Variants in RNF213 observed in about 807,000 individuals in gnomAD.
RNF213 encodes the protein E3 ubiquitin-protein ligase RNF213.
Under a neutral mutation model 514.4 loss-of-function variants are expected in RNF213, and 341 were observed. The observed-to-expected ratio is 0.66, with a 90% CI of 0.61 to 0.73. RNF213 has a LOEUF of 0.73. Among genes scored for constraint, RNF213 ranks in the 30% least tolerant of loss-of-function variants. The probability of loss-of-function intolerance (pLI) is 0.00; values close to 1 mark genes in which losing one functional copy is unlikely to be tolerated. For synonymous variants in RNF213, 2,655 were observed against 2,658.2 expected (o/e 1.00, Z 0.04); for missense variants, 5,767 against 6,615.6 (o/e 0.87, Z 4.45).
In RNF213 at chr17:80,367,984, T is replaced by A; in HGVS notation, c.11996T>A (p.Ile3999Asn). ...AGGTTTGGGATTCAGCCGTGCTCCA[T>A]CTGCCTGGGAGATGCAAAGGACCCC... is the stretch of plus-strand genomic sequence containing the variant. ...LSRFGIQPCS[I>N]CLGDAKDPVC... Residue 3999 changes from isoleucine (I) to asparagine (N), a missense_variant, in exon 44 of 68, where the codon ATC becomes AAC. Physicochemically the swap from Ile to Asn is moderately radical, Grantham distance 149 (BLOSUM62 -3). Coordinates refer to ENST00000582970, the MANE Select transcript of RNF213 (RefSeq NM_001256071.3). 6.2e-7 allele frequency: 1 copy of A among 1,614,270 alleles called. No individual in the cohort carries two copies. Among genetic ancestry groups the A allele is most frequent in the South Asian group, 1.1e-5 (1 of 91,090 alleles).
Position 80,290,680 on chromosome 17 carries a change from T to C in RNF213, c.1223T>C (p.Phe408Ser). The C allele has an allele frequency of 6.2e-7, 1 of 1,614,124 alleles. No homozygotes were observed. The highest frequency in any genetic ancestry group is 8.5e-7 in the Non-Finnish European group (1 of 1,180,016). ...GTCTTCATCAGAGGAGGAGAAGAAT[T>C]TGGGGAGTCAAAATGGGACAGCAAT... The part of the protein sequence containing the change: ...HKVFIRGGEE[F>S]GESKWDSNIC... Residue 408 changes from phenylalanine (F) to serine (S), a missense_variant, in exon 7 of 68, where the codon TTT (phenylalanine) becomes TCT (serine). Physicochemically the swap from Phe to Ser is radical, Grantham distance 155. Around this residue, in one of 13 missense-constraint regions of RNF213, gnomAD observed 592 missense variants for 673.9 expected, o/e 0.88. Transcript: ENST00000582970.
chr17:80,347,729 G>T lies in RNF213; in HGVS notation c.9394G>T (p.Gly3132Cys), dbSNP rs140255873. The T allele has an allele frequency of 6.2e-7, 1 of 1,613,976 alleles. No individual in the cohort carries two copies. Among genetic ancestry groups the T allele is most frequent in the African/African-American group, 1.3e-5 (1 of 74,928 alleles). Reference protein sequence around the residue: ...HLGGQKYVDLGLGTHRVKCRV... With the variant: ...HLGGQKYVDLCLGTHRVKCRV... Reference sequence around the variant, plus strand: ...CGGCGGCCAGAAGTACGTGGACCTCGGTCTGGGGACCCACCGCGTCAAATG... The same window carrying T: ...CGGCGGCCAGAAGTACGTGGACCTCTGTCTGGGGACCCACCGCGTCAAATG... The change falls in exon 29 of 68, where the codon GGT becomes TGT. Residue 3132 changes from glycine to cysteine, a missense_variant. Gly to Cys is a radical substitution (Grantham distance 159, BLOSUM62 -3). Transcript: ENST00000582970. This position sits in a 1 kb window ranked among gnomAD's most constrained non-coding sequence, Gnocchi z 7.2.
intron 10 of RNF213, among the ~76,000 whole-genome samples, chr17:80,297,855 G>A (rs1354565972): frequency 3.9e-5 from 6 of 152,090 alleles, no homozygotes; most frequent in African/African-American, 1.4e-4. Flanking sequence ...CACTGGAGAG[G>A]CTGAGGCAGG....
At position 80,263,489 on chromosome 17, in the gene RNF213, G is replaced by A; in HGVS notation, c.-108-85G>A. ...AGAGCCAAGGGGGCAGCACAGAGCG[G>A]GGAGGGGCTGGGCTTGGGCTGTGCT... On this transcript the variant is annotated intron_variant, in intron 1 of 67. Transcript: ENST00000582970. This position sits in a 1 kb window ranked among gnomAD's most constrained non-coding sequence, Gnocchi z 4.9. 3 of 628,988 alleles carry A rather than the reference G, an allele frequency of 4.8e-6. No individual in the cohort carries two copies. In the South Asian group the frequency reaches 5.3e-5, roughly 11 times the overall value. The allele number at this position is 628,988 out of a possible 1,614,324, so 39.0% of individuals were successfully genotyped here. A position where few individuals can be genotyped will look rare whatever the true frequency, so the allele number is the denominator to read the frequency against.
intron 3 of RNF213, among the ~76,000 whole-genome samples, chr17:80,281,516 A>ACTCACCCCCAAC (rs1473014466): frequency 7.8e-5 from 6 of 76,496 alleles, no homozygotes; most frequent in Admixed American, 1.7e-4. Context: ...CACACACCCC[A>ACTCACCCCCAAC]ACACACACAT....
chr17:80,335,882 C>A (rs1000018134), intron 22 of RNF213, among the ~76,000 whole-genome samples: 1 of 150,166 alleles, frequency 6.7e-6, no homozygotes, highest in Non-Finnish European at 1.5e-5. Context: ...GAGGCTGAGG[C>A]AAGAGAATCA....
At position 80,376,410 on chromosome 17, in the gene RNF213, C is replaced by T. The variant is rs768697961; in HGVS notation, c.13295C>T (p.Ala4432Val). ...LVDNSVPLLRAGPSDSNLDGT... is the reference protein window; with the variant it reads ...LVDNSVPLLRVGPSDSNLDGT... The stretch of plus-strand genomic sequence containing the variant: ...GACAATTCTGTGCCATTGTTGAGGG[C>T]GGGGCCTAGTGACAGCAACCTTGAT... Residue 4432 changes from alanine (A) to valine (V), a missense_variant, in exon 52 of 68, where the codon GCG (alanine) becomes GTG (valine). Physicochemically the swap from Ala to Val is moderately conservative, Grantham distance 64 (BLOSUM62 0). This residue lies in a region of RNF213 where 1,245 missense variants were observed against 1,339.0 expected (regional missense o/e 0.93). Transcript: ENST00000582970. The T allele has an allele frequency of 2.2e-5, 35 of 1,614,050 alleles. No individual in the cohort carries two copies. The highest frequency in any genetic ancestry group is 1.5e-4 in the South Asian group (14 of 91,080).
intron 20 of RNF213, among the ~76,000 whole-genome samples, chr17:80,331,505 C>T (rs1024722059): frequency 5.9e-5 from 9 of 151,730 alleles, no homozygotes; most frequent in Admixed American, 6.6e-5. Flanking sequence ...TCTCCTGCCT[C>T]AGCCTCCTGA....
Position 80,264,814 on chromosome 17 carries a change from G to C in RNF213, c.97+1036G>C, listed in dbSNP as rs1345982380. Among the ~76,000 whole-genome samples, 3 of 152,018 alleles carry C rather than the reference G, an allele frequency of 2.0e-5. No homozygotes were observed. The highest frequency in any genetic ancestry group is 4.4e-5 in the Non-Finnish European group (3 of 68,024). Reference sequence around the variant, plus strand: ...GCCACGAGGTCCTACATAGACGGCTGCCCACCCCATTCCTCTTGGCTCCCT... The same window carrying C: ...GCCACGAGGTCCTACATAGACGGCTCCCCACCCCATTCCTCTTGGCTCCCT... On this transcript the variant is annotated intron_variant, in intron 2 of 67. Transcript: ENST00000582970. The surrounding 1 kb of genome is among the most constrained non-coding windows in gnomAD (Gnocchi z 5.0).
chr17:80,359,170 C>G (rs2144336981), intron 37 of RNF213, among the ~76,000 whole-genome samples: 1 of 152,160 alleles, frequency 6.6e-6, no homozygotes, highest in South Asian at 2.1e-4. Flanking sequence ...GGCTCAGCTC[C>G]CAATAGCTTC....
intron 10 of RNF213, among the ~76,000 whole-genome samples, chr17:80,296,933 C>A (rs1019706339): frequency 3.3e-5 from 5 of 151,740 alleles, no homozygotes; most frequent in African/African-American, 1.2e-4. Context: ...CCTGCCTCGA[C>A]CTCCCAAAGT....
chr17:80,288,001 C>G lies in RNF213; in HGVS notation c.448C>G (p.Pro150Ala), dbSNP rs745912051. ...QSGPTGQPSQ[P>A]PGTATTPLEG... ...TGGCCCCACTGGCCAGCCGAGCCAG[C>G]CCCCAGGCACAGCCACCACGCCACT... is the stretch of plus-strand genomic sequence containing the variant. The change falls in exon 4 of 68, where the codon CCC (proline) becomes GCC (alanine). Residue 150 changes from proline (P) to alanine (A), a missense_variant. Transcript: ENST00000582970. The surrounding 1 kb of genome is among the most constrained non-coding windows in gnomAD (Gnocchi z 4.9). The G allele has an allele frequency of 1.3e-6, 2 of 1,589,052 alleles. No individual in the cohort carries two copies. Among genetic ancestry groups the G allele is most frequent in the Non-Finnish European group, 1.7e-6 (2 of 1,167,972 alleles).
At chr17:80,392,607 T>G (rs914029177) in intron 67 of RNF213, among the ~76,000 whole-genome samples, 190 of 6,772 alleles carry the variant, frequency 0.028, 2 homozygotes, top group African/African-American at 0.21. Context: ...ATTTCTGGGT[T>G]TTTTTTTTTT....
chr17:80,275,902 T>C (rs1270482445), intron 3 of RNF213, among the ~76,000 whole-genome samples: 1 of 151,324 alleles, frequency 6.6e-6, no homozygotes, highest in Non-Finnish European at 1.5e-5. Flanking sequence ...GACCTTGTGA[T>C]CCACCCGCCT....
chr17:80,391,760 CTT>C (rs779136667), intron 67 of RNF213, among the ~76,000 whole-genome samples: 40 of 88,634 alleles, frequency 4.5e-4, no homozygotes, highest in African/African-American at 1.7e-3. Flanking sequence ...ATAAACTAGC[CTT>C]TTTTTTTTTT....
rs745976705 is a variant in RNF213, at chr17:80,345,059, G to A, written c.6724G>A (p.Asp2242Asn). 3.7e-6 allele frequency: 6 copies of A among 1,613,942 alleles called. No individual in the cohort carries two copies. In the African/African-American group the frequency reaches 5.3e-5, roughly 14 times the overall value. Residue 2242 changes from aspartate to asparagine, a missense_variant, in exon 29 of 68, where the codon GAC becomes AAC. Asp to Asn is a conservative substitution (Grantham distance 23). Around this residue, in one of 13 missense-constraint regions of RNF213, gnomAD observed 1,377 missense variants for 1,635.2 expected, o/e 0.84. Transcript: ENST00000582970. The surrounding 1 kb of genome is among the most constrained non-coding windows in gnomAD (Gnocchi z 6.0). ...CTTCTGCAATCCGAGTTTTATTGGCGACACACTGAGGGGCTTCAAGAAGTT... is the reference window on the plus strand; with the variant it reads ...CTTCTGCAATCCGAGTTTTATTGGCAACACACTGAGGGGCTTCAAGAAGTT... ...SLFCNPSFIG[D>N]TLRGFKKFVV...
intron 17 of RNF213, 145 bp from the exon 18 acceptor site, chr17:80,324,885 T>A (rs1456744376): frequency 1.3e-6 from 1 of 752,520 alleles, no homozygotes; most frequent in East Asian, 2.7e-5. Flanking sequence ...GTAAAGTGTT[T>A]TACTATTTTG....
intron 38 of RNF213, 146 bp from the exon 39 acceptor site, chr17:80,361,588 C>T: frequency 1.2e-6 from 1 of 812,192 alleles, no homozygotes; most frequent in Non-Finnish European, 2.1e-6. Flanking sequence ...CAATTCCCTA[C>T]AAAATCAGGC....
chr17:80,365,599 C>T (rs1568139606), intron 42 of RNF213, among the ~76,000 whole-genome samples: 1 of 152,048 alleles, frequency 6.6e-6, no homozygotes, highest in Non-Finnish European at 1.5e-5. Flanking sequence ...TGGTCCTAAA[C>T]TTAGGCACTC....
Sources: allele counts gnomAD v4.1 joint callset (sites outside exome capture counted in the v4.1 genomes callset), GRCh38; gene constraint gnomAD v4.1.1; regional missense constraint gnomAD v4.1.1; non-coding constraint Gnocchi (gnomAD v3.1); transcripts MANE v1.5; gene names NCBI Gene and HGNC (gene_info 2026-07-23, HGNC 2026-07-21).